TOMM40: variants seen among roughly 807,000 people sequenced by gnomAD.
TOMM40 encodes translocase of outer mitochondrial membrane 40, also known as mitochondrial import receptor subunit TOM40 homolog.
TOMM40 carries 9 observed loss-of-function variants against 38.4 expected under a neutral mutation model. That is an observed-to-expected ratio of 0.23 (90% confidence interval 0.14 to 0.41). The LOEUF is 0.41. TOMM40 is among the 10% of genes least tolerant of loss of function. The pLI is 1.00. For missense variants in TOMM40, 299 were observed against 486.5 expected, an observed-to-expected ratio of 0.61 and a Z score of 3.63; for synonymous variants, 184 against 210.0, an observed-to-expected ratio of 0.88 and a Z score of 1.07.
rs982389605 is a variant in TOMM40, at chr19:44,900,544, A to G, written c.644-186A>G. On this transcript the variant is annotated intron_variant, in intron 5 of 8. Transcript: ENST00000426677. The stretch of plus-strand genomic sequence containing the variant: ...GTCCTTCAGGTAATGCAGTCATAGC[A>G]GGGCCTGGGACGCTGACCTCAGCGG... Among the ~76,000 whole-genome samples, 17 of 152,154 alleles carry G rather than the reference A, an allele frequency of 1.1e-4. 1 individual carries two copies. The highest frequency in any genetic ancestry group is 2.6e-4 in the Admixed American group (4 of 15,270).
intron 5 of TOMM40, among the ~76,000 whole-genome samples, chr19:44,897,124 A>G (rs1380873791): frequency 6.6e-6 from 1 of 152,158 alleles, no homozygotes; most frequent in Non-Finnish European, 1.5e-5. Flanking sequence ...CAGGGGGTCA[A>G]CAGGGTCAGG....
intron 5 of TOMM40, among the ~76,000 whole-genome samples, chr19:44,894,978 A>T (rs1969538503): frequency 6.6e-6 from 1 of 152,202 alleles, no homozygotes; most frequent in Non-Finnish European, 1.5e-5. Context: ...ATGTTGTTTG[A>T]AGGCAGAGCT....
In TOMM40 at chr19:44,897,791, AG is replaced by A. The variant is rs1195110232; in HGVS notation, c.644-2938del. ...CGCCCCATCTCAAAAAAAAAAAAAA[AG>A]AGAGAGAGAGGGAGAGATGGGGGTC... is the stretch of plus-strand genomic sequence containing the variant. On this transcript the variant is annotated intron_variant, in intron 5 of 8. Coordinates refer to ENST00000426677, the MANE Select transcript of TOMM40 (RefSeq NM_001128917.2). Among the ~76,000 whole-genome samples, 715 of 94,468 alleles carry A rather than the reference AG, an allele frequency of 7.6e-3. 14 individuals carry two copies. Among genetic ancestry groups the A allele is most frequent in the African/African-American group, 0.028 (669 of 24,088 alleles). The allele number at this position is 94,468 out of a possible 152,430, so 62.0% of individuals were successfully genotyped here. A position where few individuals can be genotyped will look rare whatever the true frequency, so the allele number is the denominator to read the frequency against.
At chr19:44,900,601 A>G (rs760136) in intron 5 of TOMM40, 129 bp from the exon 6 acceptor site, 696,842 of 1,553,622 alleles carry the variant, frequency 0.45, 159,705 homozygotes, top group African/African-American at 0.64. Context: ...GTTAGGAGAA[A>G]GGAGCCCTTG....
intron 4 of TOMM40, 33 bp downstream of exon 4, chr19:44,893,914 G>T: frequency 6.2e-7 from 1 of 1,607,654 alleles, no homozygotes; most frequent in Non-Finnish European, 8.5e-7. Flanking sequence ...TGCTCCCCTC[G>T]GCCACCGTGA....
intron 5 of TOMM40, among the ~76,000 whole-genome samples, chr19:44,898,579 T>G (rs1969615691): frequency 6.9e-6 from 1 of 144,670 alleles, no homozygotes; most frequent in African/African-American, 2.6e-5. Context: ...TCTCCCAGGC[T>G]GGAGTGCAGT....
Position 44,893,789 on chromosome 19 carries a change from G to C in TOMM40, c.445G>C (p.Val149Leu). The C allele has an allele frequency of 6.2e-7, 1 of 1,612,152 alleles. No individual in the cohort carries two copies. The highest frequency in any genetic ancestry group is 8.5e-7 in the Non-Finnish European group (1 of 1,179,954). ...KQLSPTEAFP[V>L]LVGDMDNSGS... is the part of the protein sequence containing the mutation. ...TCTCTCTGCCTCACAGGCGTTCCCT[G>C]TACTGGTGGGTGACATGGACAACAG... Residue 149 changes from valine to leucine, a missense_variant, in exon 4 of 9, where the codon GTA (valine) becomes CTA (leucine). By Grantham distance (32) the Val-to-Leu change is conservative. Transcript: ENST00000426677.
At chr19:44,898,313 C>T (rs1388655314) in intron 5 of TOMM40, among the ~76,000 whole-genome samples, 1 of 152,016 alleles carries the variant, frequency 6.6e-6, no homozygotes, top group Non-Finnish European at 1.5e-5. Context: ...GAAGCATCTT[C>T]GCACCTGCTT....
At chr19:44,902,167 C>G (rs1239916122) in intron 8 of TOMM40, 2 of 152,278 alleles carry the variant, frequency 1.3e-5, no homozygotes, top group African/African-American at 2.4e-5. Flanking sequence ...TTGGGCCAAG[C>G]TGGAGCTTTG....
chr19:44,898,525 C>CTTT (rs71173106), intron 5 of TOMM40, among the ~76,000 whole-genome samples: 138 of 88,996 alleles, frequency 1.6e-3, no homozygotes, highest in East Asian at 2.2e-3. Context: ...TTTTTTTTTT[C>CTTT]TTTTTTTTTT....
rs1969726605 is a variant in TOMM40, at chr19:44,903,578, C to T, written c.*409C>T. The T allele has an allele frequency of 6.0e-6, 1 of 168,020 alleles. No individual in the cohort carries two copies. 10.4% of individuals were successfully genotyped at this position (168,020 alleles called of 1,614,324 possible). A position where few individuals can be genotyped will look rare whatever the true frequency, so the allele number is the denominator to read the frequency against. ...CCCCGGTCAGTCCACCCTGCCCCGT[C>T]CACTTTCCCATCTCCTCGGTATAAA... On this transcript the variant is annotated 3_prime_UTR_variant, in exon 9 of 9. Coordinates refer to ENST00000426677, the MANE Select transcript of TOMM40 (RefSeq NM_001128917.2).
rs1353811310 is a variant in TOMM40, at chr19:44,903,215, C to T, written c.*46C>T. 1.3e-6 allele frequency: 2 copies of T among 1,562,150 alleles called. No individual in the cohort carries two copies. Among genetic ancestry groups the T allele is most frequent in the Non-Finnish European group, 1.7e-6 (2 of 1,153,824 alleles). The stretch of plus-strand genomic sequence containing the variant: ...CCACGCCCTTCCGATTCCACCTCCA[C>T]CTCCACCTCCCCCTGCCACAGAGGG... On this transcript the variant is annotated 3_prime_UTR_variant, in exon 9 of 9. Coordinates refer to ENST00000426677, the MANE Select transcript of TOMM40 (RefSeq NM_001128917.2).
Position 44,900,794 on chromosome 19 carries a change from C to T in TOMM40, c.708C>T (p.Val236=). The part of the protein sequence containing the change: ...TPCLALGGEL[V]YHRRPGEEGT... ...GCCTGGCCCTGGGTGGAGAGCTGGT[C>T]TACCACCGGCGGCCTGGAGAGGAGG... is the stretch of plus-strand genomic sequence containing the variant. Residue 236 remains valine, a synonymous_variant, in exon 6 of 9, where the codon GTC becomes GTT. Coordinates refer to ENST00000426677, the MANE Select transcript of TOMM40 (RefSeq NM_001128917.2). The T allele has an allele frequency of 6.2e-7, 1 of 1,613,856 alleles. No individual in the cohort carries two copies. The highest frequency in any genetic ancestry group is 8.5e-7 in the Non-Finnish European group (1 of 1,180,016).
chr19:44,892,106 T>C (rs1466273996), intron 1 of TOMM40, among the ~76,000 whole-genome samples: 1 of 152,182 alleles, frequency 6.6e-6, no homozygotes, highest in Non-Finnish European at 1.5e-5. Flanking sequence ...TGTTCTGGTG[T>C]TCATTATACG....
intron 5 of TOMM40, among the ~76,000 whole-genome samples, chr19:44,899,818 T>C (rs1969645546): frequency 1.2e-5 from 1 of 80,660 alleles, no homozygotes; most frequent in African/African-American, 5.9e-5. Flanking sequence ...TTTTTTTTTT[T>C]TTTTTTTTGA....
At chr19:44,899,545 G>C (rs529987355) in intron 5 of TOMM40, among the ~76,000 whole-genome samples, 1 of 151,468 alleles carries the variant, frequency 6.6e-6, no homozygotes, top group South Asian at 2.1e-4. Flanking sequence ...GAATTCCTGG[G>C]CTCAAATGAA....
intron 5 of TOMM40, among the ~76,000 whole-genome samples, chr19:44,897,504 G>C (rs571944663): frequency 6.6e-5 from 10 of 152,230 alleles, no homozygotes; most frequent in African/African-American, 2.4e-4. Flanking sequence ...CCAGGCCAGA[G>C]TGCAGTGGCA....
rs1969481439 is a variant in TOMM40 at position 44,892,316 on chromosome 19, C to G, written c.275-77C>G. ...TTCTGCTGTGGGTCTCTGGAGAGAG[C>G]TGGGGGTGGTAGGGAAGGAAGAGAT... On this transcript the variant is annotated intron_variant, in intron 1 of 8. Transcript: ENST00000426677. 3.6e-6 allele frequency: 5 copies of G among 1,388,864 alleles called. No homozygotes were observed. The Admixed American group carries it at 8.4e-5, about 23-fold the overall frequency. The allele number at this position is 1,388,864 out of a possible 1,614,324, so 86.0% of individuals were successfully genotyped here. A position where few individuals can be genotyped will look rare whatever the true frequency, so the allele number is the denominator to read the frequency against.
chr19:44,896,339 C>T (rs981395879), intron 5 of TOMM40, among the ~76,000 whole-genome samples: 3 of 152,294 alleles, frequency 2.0e-5, no homozygotes, highest in South Asian at 2.1e-4. Context: ...CTGTGACCTC[C>T]GGCAAGTGGT....
Sources: gnomAD v4.1 joint callset for allele counts (sites outside exome capture counted in the v4.1 genomes callset) on GRCh38, gnomAD v4.1.1 for gene constraint, MANE v1.5 for transcripts, NCBI Gene and HGNC (gene_info 2026-07-23, HGNC 2026-07-21) for gene names.